The following SIK3 variants were observed in gnomAD, a reference collection of about 807,000 sequenced individuals.
The protein encoded by SIK3 is SIK family kinase 3.
SIK3 carries 28 observed loss-of-function variants against 144.2 expected under a neutral mutation model. The ratio of observed to expected loss-of-function variants is 0.19; its 90% CI spans 0.14 to 0.27. The LOEUF (loss-of-function observed/expected upper bound fraction) is 0.27, where lower values mean the gene tolerates loss of function less well. Ranked by LOEUF, SIK3 falls within the 10% of genes least tolerant of loss-of-function variation. The pLI is 1.00. For missense variants in SIK3, 1,319 were observed against 1,776.0 expected (o/e 0.74, Z 4.62); for synonymous variants, 686 against 676.3 (o/e 1.01, Z -0.22).
At chr11:117,029,066 G>A (rs7926104) in intron 1 of SIK3, among the ~76,000 whole-genome samples, 69,089 of 151,792 alleles carry the variant, frequency 0.46, 19,094 homozygotes, top group Non-Finnish European at 0.64. Context: ...CCGCCACTAC[G>A]CCCGGCTAAT....
intron 1 of SIK3, among the ~76,000 whole-genome samples, chr11:117,013,955 A>ATTTTTTTTTTTTTT (rs1951402523): frequency 1.0e-4 from 1 of 9,928 alleles, no homozygotes; most frequent in Non-Finnish European, 2.4e-4. Flanking sequence ...TGTGTGTTTT[A>ATTTTTTTTTTTTTT]TTTCTTTTTT....
chr11:116,988,148 T>G (rs1016440059), intron 1 of SIK3, among the ~76,000 whole-genome samples: 2 of 152,156 alleles, frequency 1.3e-5, no homozygotes, highest in African/African-American at 4.8e-5. Context: ...ATCTCAGCAC[T>G]TTGGGAGGCC....
chr11:117,074,158 T>C lies in SIK3; in HGVS notation c.273+23985A>G, dbSNP rs7951434. Among the ~76,000 whole-genome samples, 1,117 of 152,314 alleles carry C rather than the reference T, an allele frequency of 7.3e-3. 12 individuals are homozygous for C. The highest frequency in any genetic ancestry group is 0.026 in the African/African-American group (1,073 of 41,566). ...CTTACCATACTACTGTACTCCAAGA[T>C]GGCAATCAAACCATAGTGCTCTGCC... is the stretch of plus-strand genomic sequence containing the variant. On this transcript the variant is annotated intron_variant, in intron 1 of 24. Coordinates refer to ENST00000445177, the MANE Select transcript of SIK3 (RefSeq NM_001366686.3).
intron 1 of SIK3, among the ~76,000 whole-genome samples, chr11:117,080,006 C>A (rs966781448): frequency 1.3e-5 from 2 of 151,868 alleles, no homozygotes; most frequent in Non-Finnish European, 2.9e-5. Flanking sequence ...TGTACTCCAG[C>A]CTGGGTGACA....
intron 6 of SIK3, among the ~76,000 whole-genome samples, chr11:116,893,089 T>C (rs573762434): frequency 2.0e-5 from 3 of 152,000 alleles, no homozygotes; most frequent in Non-Finnish European, 4.4e-5. Context: ...CACAGAGGAT[T>C]TGGGGGCAGT....
intron 1 of SIK3, among the ~76,000 whole-genome samples, chr11:117,031,625 G>A (rs1166887333): frequency 2.0e-5 from 3 of 150,214 alleles, no homozygotes; most frequent in Non-Finnish European, 4.4e-5. Context: ...AGGTTCAAGG[G>A]ATTCTCTGCC....
At chr11:116,999,695 G>C (rs10892056) in intron 1 of SIK3, among the ~76,000 whole-genome samples, 12,199 of 152,172 alleles carry the variant, frequency 0.08, 631 homozygotes, top group African/African-American at 0.13. Context: ...AAAGTGCTGG[G>C]ATTACAGGCG....
rs1466447865 is a variant in SIK3 at position 116,875,880 on chromosome 11, G to C, written c.1225C>G (p.Pro409Ala). Reference protein sequence around the residue: ...SMPRALAFQAPVNIQAEQAGT... With the variant: ...SMPRALAFQAAVNIQAEQAGT... Reference sequence around the variant, plus strand: ...TTATTGCCCACCTGGATATTGACTGGTGCTTGAAAGGCCAGGGCTCGGGGC... The same window carrying C: ...TTATTGCCCACCTGGATATTGACTGCTGCTTGAAAGGCCAGGGCTCGGGGC... Residue 409 changes from proline (P) to alanine (A), a missense_variant, in exon 9 of 25, where the codon CCA (proline) becomes GCA (alanine). This residue lies in a region of SIK3 where 109 missense variants were observed against 109.3 expected (regional missense o/e 1.00). Transcript: ENST00000445177. 2.5e-6 allele frequency: 4 copies of C among 1,605,356 alleles called. No individual in the cohort carries two copies.
chr11:116,963,048 A>G (rs2135426397), intron 1 of SIK3, among the ~76,000 whole-genome samples: 1 of 152,356 alleles, frequency 6.6e-6, no homozygotes, highest in South Asian at 2.1e-4. Context: ...TTGACTTGAT[A>G]TTGAGAATTG....
intron 1 of SIK3, among the ~76,000 whole-genome samples, chr11:117,049,496 T>G (rs1953125128): frequency 6.6e-6 from 1 of 151,888 alleles, no homozygotes; most frequent in African/African-American, 2.4e-5. Context: ...GAGAATGGCT[T>G]GAACCTGGAA....
At chr11:117,003,504 A>G (rs1950932563) in intron 1 of SIK3, among the ~76,000 whole-genome samples, 1 of 152,158 alleles carries the variant, frequency 6.6e-6, no homozygotes, top group African/African-American at 2.4e-5. Context: ...AATATATTCA[A>G]TGCTGGCTGG....
At chr11:116,979,531 A>C (rs959943925) in intron 1 of SIK3, among the ~76,000 whole-genome samples, 7 of 152,184 alleles carry the variant, frequency 4.6e-5, no homozygotes, top group African/African-American at 1.7e-4. Context: ...ACATAAACAA[A>C]AGCAATTTGG....
chr11:116,993,856 C>G (rs1950573884), intron 1 of SIK3, among the ~76,000 whole-genome samples: 1 of 152,196 alleles, frequency 6.6e-6, no homozygotes, highest in Admixed American at 6.5e-5. Context: ...AGGGAACTTA[C>G]AGCGTGACAG....
intron 6 of SIK3, among the ~76,000 whole-genome samples, chr11:116,888,522 T>A (rs1206186892): frequency 2.6e-5 from 4 of 152,242 alleles, no homozygotes; most frequent in East Asian, 1.9e-4. Context: ...AAATAACCGA[T>A]GAATTCATTT....
At chr11:116,998,000 C>G (rs1950725687) in intron 1 of SIK3, among the ~76,000 whole-genome samples, 1 of 152,122 alleles carries the variant, frequency 6.6e-6, no homozygotes, top group Admixed American at 6.6e-5. Flanking sequence ...GCTAGGACTA[C>G]AGGTGCACAC....
chr11:117,023,605 C>CAAA (rs1306485013), intron 1 of SIK3, among the ~76,000 whole-genome samples: 10 of 64,092 alleles, frequency 1.6e-4, no homozygotes, highest in Admixed American at 2.8e-4. Flanking sequence ...AACAAACAAA[C>CAAA]AAACAAAAAA....
intron 4 of SIK3, among the ~76,000 whole-genome samples, chr11:116,904,137 T>C (rs1945889353): frequency 1.3e-5 from 2 of 152,140 alleles, no homozygotes; most frequent in Non-Finnish European, 2.9e-5. Context: ...TTAGATCTTC[T>C]AACAAACCAA....
At chr11:117,090,681 CTG>C (rs1955204962) in intron 1 of SIK3, among the ~76,000 whole-genome samples, 2 of 152,330 alleles carry the variant, frequency 1.3e-5, no homozygotes, top group Non-Finnish European at 1.5e-5. Flanking sequence ...TCATTGCATG[CTG>C]TGTTTACTTC....
chr11:116,992,315 ACC>A (rs201865103), intron 1 of SIK3, among the ~76,000 whole-genome samples: 10,009 of 117,792 alleles, frequency 0.085, 498 homozygotes, highest in African/African-American at 0.14. Flanking sequence ...ACAGAGCAAG[ACC>A]CCCCCCCCCA....
Sources: allele counts gnomAD v4.1 joint callset (sites outside exome capture counted in the v4.1 genomes callset), GRCh38; gene constraint gnomAD v4.1.1; regional missense constraint gnomAD v4.1.1; transcripts MANE v1.5; gene names NCBI Gene and HGNC (gene_info 2026-07-23, HGNC 2026-07-21).